The following GFPT2 variants were observed in gnomAD, a reference collection of about 807,000 sequenced individuals.
The protein encoded by GFPT2 is glutamine--fructose-6-phosphate aminotransferase [isomerizing] 2.
GFPT2 carries 62 observed loss-of-function variants against 85.6 expected under a neutral mutation model. The observed-to-expected ratio is 0.72, with a 90% confidence interval of 0.59 to 0.90. The LOEUF is 0.90. Ranked by LOEUF, GFPT2 falls within the 40% of genes least tolerant of loss-of-function variation. GFPT2 has a pLI of 0.00. For missense variants in GFPT2, 788 were observed against 893.4 expected, an observed-to-expected ratio of 0.88 and a Z score of 1.50; for synonymous variants, 368 against 344.5, an observed-to-expected ratio of 1.07 and a Z score of -0.75.
chr5:180,341,117 G>A (rs1169175516), intron 1 of GFPT2, among the ~76,000 whole-genome samples: 2 of 152,280 alleles, frequency 1.3e-5, no homozygotes, highest in South Asian at 2.1e-4. Flanking sequence ...CCTGTGACTC[G>A]TCCAGAGCCA....
Position 180,330,736 on chromosome 5 carries a change from C to T in GFPT2, c.498G>A (p.Thr166=), listed in dbSNP as rs766171030. ...TGACTCTCTCGACCAACGTTGAAAACGTAATGTCCTCAGTTTCTCTGTTGT... is the reference window on the plus strand; with the variant it reads ...TGACTCTCTCGACCAACGTTGAAAATGTAATGTCCTCAGTTTCTCTGTTGT... ...VFDNRETEDI[T]FSTLVERVIQ... Residue 166 remains threonine, a synonymous_variant, in exon 6 of 19, where the codon ACG becomes ACA. Coordinates refer to ENST00000253778, the MANE Select transcript of GFPT2 (RefSeq NM_005110.4). The surrounding 1 kb of genome is among the most constrained non-coding windows in gnomAD (Gnocchi z 4.4). 23 of 1,613,150 alleles carry T rather than the reference C, an allele frequency of 1.4e-5. No homozygotes were observed. Among genetic ancestry groups the T allele is most frequent in the South Asian group, 1.2e-4 (11 of 91,046 alleles).
At chr5:180,325,475 C>T (rs1452512853) in intron 7 of GFPT2, among the ~76,000 whole-genome samples, 1 of 152,138 alleles carries the variant, frequency 6.6e-6, no homozygotes, top group African/African-American at 2.4e-5. Flanking sequence ...AAGTGACACC[C>T]CGTGGATGGA....
At chr5:180,302,981 A>G (rs549235328) in intron 17 of GFPT2, among the ~76,000 whole-genome samples, 82 of 152,040 alleles carry the variant, frequency 5.4e-4, no homozygotes, top group African/African-American at 9.2e-4. Flanking sequence ...TGTAATCCCA[A>G]CACTTTGGGA....
intron 7 of GFPT2, 109 bp from the exon 8 acceptor site, chr5:180,325,004 G>A (rs965745494): frequency 1.3e-6 from 1 of 762,726 alleles, no homozygotes; most frequent in Non-Finnish European, 2.3e-6. Context: ...TCCCAGTGGT[G>A]GAGGATCCTG....
Position 180,302,444 on chromosome 5 carries a change from C to T in GFPT2, c.1983G>A (p.Leu661=). The part of the protein sequence containing the change: ...VIPLQLLSFH[L]AVLRGYDVDF... Reference sequence around the variant, plus strand: ...GCACGTCATATCCTCGGAGAACAGCCAGGTGGAAGGACAGCAGCTGCAGCG... The same window carrying T: ...GCACGTCATATCCTCGGAGAACAGCTAGGTGGAAGGACAGCAGCTGCAGCG... The change falls in exon 18 of 19, where the codon CTG becomes CTA. Residue 661 remains leucine (L), a synonymous_variant. Coordinates refer to ENST00000253778, the MANE Select transcript of GFPT2 (RefSeq NM_005110.4). 1 of 1,613,880 alleles carries T rather than the reference C, an allele frequency of 6.2e-7. No homozygotes were observed. Among genetic ancestry groups the T allele is most frequent in the South Asian group, 1.1e-5 (1 of 91,082 alleles).
chr5:180,305,007 A>G, intron 16 of GFPT2, 68 bp from the exon 17 acceptor site: 1 of 1,101,636 alleles, frequency 9.1e-7, no homozygotes, highest in African/African-American at 1.5e-5. Flanking sequence ...GCCAGAGGGG[A>G]AGAAGGGGAA....
rs1763669852 is a variant in GFPT2, at chr5:180,301,418, G to A, written c.*146C>T. 4.1e-6 allele frequency: 3 copies of A among 731,042 alleles called. No individual in the cohort carries two copies. The highest frequency in any genetic ancestry group is 1.7e-5 in the South Asian group (1 of 60,428). The allele number at this position is 731,042 out of a possible 1,614,324, so 45.3% of individuals were successfully genotyped here. Reference sequence around the variant, plus strand: ...ATCTGCTGTAAGCAAAAGCACTTGGGTAGAAGGCACGTGGAAGCTGTCAAG... The same window carrying A: ...ATCTGCTGTAAGCAAAAGCACTTGGATAGAAGGCACGTGGAAGCTGTCAAG... On this transcript the variant is annotated 3_prime_UTR_variant, in exon 19 of 19. Transcript: ENST00000253778.
At chr5:180,336,849 G>A (rs1055043666) in intron 2 of GFPT2, among the ~76,000 whole-genome samples, 8 of 152,222 alleles carry the variant, frequency 5.3e-5, no homozygotes, top group South Asian at 4.1e-4. Context: ...ACACTTCCCC[G>A]CTGCAGGCGC....
At chr5:180,315,086 A>G (rs1279868532) in intron 13 of GFPT2, among the ~76,000 whole-genome samples, 2 of 152,206 alleles carry the variant, frequency 1.3e-5, no homozygotes, top group East Asian at 3.9e-4. Flanking sequence ...AAAATGGAAA[A>G]TGGCAGGAGT....
chr5:180,317,062 G>T lies in GFPT2; in HGVS notation c.959-4C>A, dbSNP rs55945279. 23,314 of 1,559,826 alleles carry T rather than the reference G, an allele frequency of 0.015. 217 individuals are homozygous for T. Among genetic ancestry groups the T allele is most frequent in the Non-Finnish European group, 0.017 (19,318 of 1,130,504 alleles). On this transcript the variant is annotated splice_polypyrimidine_tract_variant and splice_region_variant and intron_variant, in intron 10 of 18. Transcript: ENST00000253778. ...TGCATAAACGCACTGAAGTTACCTG[G>T]TCAAATAAACGTCTGGTCAGTTTTA...
intron 1 of GFPT2, among the ~76,000 whole-genome samples, chr5:180,345,882 CTGAG>C (rs1764597984): frequency 6.6e-6 from 1 of 152,168 alleles, no homozygotes; most frequent in African/African-American, 2.4e-5. Context: ...CAGGAGGTCC[CTGAG>C]TGCCAGACCC....
chr5:180,334,318 G>A (rs561252683), intron 4 of GFPT2, among the ~76,000 whole-genome samples: 3 of 152,326 alleles, frequency 2.0e-5, no homozygotes, highest in South Asian at 2.1e-4. Context: ...CAAATTGGGC[G>A]GGGTGAGCTG....
intron 9 of GFPT2, 99 bp downstream of exon 9, chr5:180,324,089 G>C: frequency 1.3e-6 from 1 of 758,794 alleles, no homozygotes; most frequent in Non-Finnish European, 2.3e-6. Flanking sequence ...GCTGAGCCAC[G>C]ATAGCTCACA....
rs1174135617 is a variant in GFPT2, at chr5:180,302,603, A to G, written c.1843-19T>C. The G allele has an allele frequency of 6.3e-7, 1 of 1,595,982 alleles. No homozygotes were observed. The highest frequency in any genetic ancestry group is 1.3e-5 in the African/African-American group (1 of 74,578). On this transcript the variant is annotated intron_variant, in intron 17 of 18. Transcript: ENST00000253778. ...GGCGACCCTAGAGCAGAGAAATAGC[A>G]TCATAAAATAGACCCTCTCTGAAAG...
chr5:180,317,192 A>G (rs1209058240), intron 10 of GFPT2, 134 bp from the exon 11 acceptor site: 1 of 689,878 alleles, frequency 1.4e-6, no homozygotes, highest in Non-Finnish European at 2.6e-6. Context: ...CCTGCCTGAC[A>G]CTCACTACCA....
intron 16 of GFPT2, among the ~76,000 whole-genome samples, chr5:180,306,572 TA>T (rs1488206837): frequency 6.6e-6 from 1 of 152,126 alleles, no homozygotes; most frequent in Non-Finnish European, 1.5e-5. Flanking sequence ...CGTGGATCTT[TA>T]ATGCTGCAGG....
At chr5:180,352,397 C>A (rs13171554) in intron 1 of GFPT2, 1 of 454,358 alleles carries the variant, frequency 2.2e-6, no homozygotes, top group South Asian at 1.6e-5. Context: ...AAGTTCCCGG[C>A]TCTCTCCCGG....
intron 2 of GFPT2, 48 bp downstream of exon 2, chr5:180,338,445 G>C (rs1299663976): frequency 3.0e-6 from 3 of 1,015,756 alleles, no homozygotes; most frequent in Non-Finnish European, 3.1e-6. Flanking sequence ...TGAGACCACA[G>C]CAGCGGAGCC....
At chr5:180,331,734 G>T in intron 4 of GFPT2, 181 bp from the exon 5 acceptor site, 1 of 632,894 alleles carries the variant, frequency 1.6e-6, no homozygotes, top group Non-Finnish European at 2.9e-6. Context: ...TGGAACCAGG[G>T]ATTAGCACCA....
Sources: gnomAD v4.1 joint callset for allele counts (sites outside exome capture counted in the v4.1 genomes callset) on GRCh38, gnomAD v4.1.1 for gene constraint, Gnocchi (gnomAD v3.1) non-coding constraint, MANE v1.5 for transcripts, NCBI Gene and HGNC (gene_info 2026-07-23, HGNC 2026-07-21) for gene names.